The following MYRIP variants were observed in gnomAD, a reference collection of about 807,000 sequenced individuals.
The protein encoded by MYRIP is rab effector MyRIP.
In MYRIP, 49 loss-of-function variants were observed where a neutral mutation model predicts 98.0. That is an observed-to-expected ratio of 0.50 (90% CI 0.40 to 0.63). MYRIP has a LOEUF of 0.63. Among genes scored for constraint, MYRIP ranks in the 30% least tolerant of loss-of-function variants. The pLI is 0.00. For missense variants in MYRIP, 1,004 were observed against 1,058.2 expected (o/e 0.95, Z 0.71); for synonymous variants, 404 against 409.5 (o/e 0.99, Z 0.16).
chr3:39,989,511 G>A (rs531884471), intron 2 of MYRIP, among the ~76,000 whole-genome samples: 2 of 152,346 alleles, frequency 1.3e-5, no homozygotes, highest in Middle Eastern at 3.4e-3. Context: ...GGCAAGGGGA[G>A]CAGAACGCAT....
At chr3:40,165,330 G>C (rs1268422154) in intron 5 of MYRIP, among the ~76,000 whole-genome samples, 2 of 152,212 alleles carry the variant, frequency 1.3e-5, no homozygotes, top group African/African-American at 4.8e-5. Context: ...TATTATGTTT[G>C]CCAAATGATA....
intron 1 of MYRIP, among the ~76,000 whole-genome samples, chr3:39,861,698 A>G (rs1362936528): frequency 1.3e-5 from 2 of 152,210 alleles, no homozygotes; most frequent in Non-Finnish European, 1.5e-5. Context: ...TTCAGAATAC[A>G]ATCAAAAGTA....
intron 1 of MYRIP, among the ~76,000 whole-genome samples, chr3:39,853,453 G>A (rs959207046): frequency 6.6e-6 from 1 of 152,012 alleles, no homozygotes; most frequent in Non-Finnish European, 1.5e-5. Flanking sequence ...GACCATTCTT[G>A]CAGGAGTAAG....
chr3:40,002,000 C>T (rs1946529871), intron 2 of MYRIP, among the ~76,000 whole-genome samples: 1 of 152,196 alleles, frequency 6.6e-6, no homozygotes, highest in East Asian at 1.9e-4. Context: ...ATTCACACAA[C>T]ATATTGCTGG....
At chr3:39,883,628 A>G (rs1307922298) in intron 1 of MYRIP, among the ~76,000 whole-genome samples, 1 of 152,074 alleles carries the variant, frequency 6.6e-6, no homozygotes, top group East Asian at 1.9e-4. Context: ...CTACCCACTA[A>G]ATCTAAAAGT....
intron 3 of MYRIP, among the ~76,000 whole-genome samples, chr3:40,095,881 CCTT>C (rs1428903936): frequency 6.6e-6 from 1 of 151,696 alleles, no homozygotes; most frequent in Non-Finnish European, 1.5e-5. Context: ...CCCTCCTTCT[CCTT>C]CTCCTACCAC....
intron 3 of MYRIP, among the ~76,000 whole-genome samples, chr3:40,122,711 CAT>C (rs1949430152): frequency 6.6e-6 from 1 of 151,788 alleles, no homozygotes; most frequent in African/African-American, 2.4e-5. Context: ...TTTATAGACA[CAT>C]AATAGTTGTA....
chr3:39,917,953 T>C (rs1339429789), intron 2 of MYRIP, among the ~76,000 whole-genome samples: 1 of 150,848 alleles, frequency 6.6e-6, no homozygotes, highest in Non-Finnish European at 1.5e-5. Flanking sequence ...AGACGGAGTC[T>C]CGCTGCTCTG....
At chr3:40,043,811 T>C (rs921642560) in intron 2 of MYRIP, among the ~76,000 whole-genome samples, 5 of 152,254 alleles carry the variant, frequency 3.3e-5, no homozygotes, top group Non-Finnish European at 7.3e-5. Flanking sequence ...TGATAATGTT[T>C]TCATGCTTTC....
chr3:40,181,477 TA>T (rs1201654400), intron 8 of MYRIP, among the ~76,000 whole-genome samples: 4 of 152,336 alleles, frequency 2.6e-5, no homozygotes, highest in Middle Eastern at 3.4e-3. Flanking sequence ...TTTAATACTG[TA>T]ATCATAGATG....
At chr3:40,252,057 C>T in intron 16 of MYRIP, 58 bp downstream of exon 16, 1 of 1,309,900 alleles carries the variant, frequency 7.6e-7, no homozygotes, top group Non-Finnish European at 1.1e-6. Context: ...TACCTCCACT[C>T]TGCAGCCTTT....
At chr3:40,091,502 A>T (rs1022015528) in intron 3 of MYRIP, among the ~76,000 whole-genome samples, 30 of 152,230 alleles carry the variant, frequency 2.0e-4, no homozygotes, top group African/African-American at 5.8e-4. Context: ...TTTTAAAATT[A>T]AAGAATATGG....
intron 3 of MYRIP, among the ~76,000 whole-genome samples, chr3:40,127,676 C>T (rs1949550416): frequency 6.6e-6 from 1 of 152,214 alleles, no homozygotes; most frequent in Non-Finnish European, 1.5e-5. Context: ...CTGAGCCCCA[C>T]AGGCTGTGCT....
Position 40,190,319 on chromosome 3 carries a change from C to T in MYRIP, c.1521C>T (p.Thr507=), listed in dbSNP as rs764313409. Residue 507 remains threonine (T), a synonymous_variant, in exon 10 of 17, where the codon ACC becomes ACT. Transcript: ENST00000302541. ...ACCCCCAGTTGGCCAGCAGGGAGAC[C>T]TCGGACAGCAGCGAGCCGGAGGAGG... ...NFNPQLASRE[T]SDSSEPEEAP... is the part of the protein sequence containing the mutation. 1.2e-5 allele frequency: 19 copies of T among 1,613,866 alleles called. No homozygotes were observed. Among genetic ancestry groups the T allele is most frequent in the Non-Finnish European group, 1.6e-5 (19 of 1,179,988 alleles).
intron 2 of MYRIP, among the ~76,000 whole-genome samples, chr3:39,945,540 GA>G (rs1476135350): frequency 6.7e-6 from 1 of 148,544 alleles, no homozygotes; most frequent in Non-Finnish European, 1.5e-5. Flanking sequence ...GATCACAATT[GA>G]ATTTAACTTC....
At chr3:39,814,370 A>G (rs1393517620) in intron 1 of MYRIP, among the ~76,000 whole-genome samples, 1 of 152,120 alleles carries the variant, frequency 6.6e-6, no homozygotes. Flanking sequence ...TCTTTTTAAT[A>G]TATAGTTTTA....
intron 1 of MYRIP, among the ~76,000 whole-genome samples, chr3:39,810,187 C>T (rs879443669): frequency 6.6e-6 from 1 of 152,230 alleles, no homozygotes; most frequent in Non-Finnish European, 1.5e-5. Flanking sequence ...GAGCTCGCCT[C>T]TGCGTTTCCC....
At chr3:40,039,383 C>T (rs933698014) in intron 2 of MYRIP, among the ~76,000 whole-genome samples, 2 of 151,994 alleles carry the variant, frequency 1.3e-5, no homozygotes, top group African/African-American at 4.8e-5. Flanking sequence ...AGATAGCTTG[C>T]AAAGGAATTG....
intron 1 of MYRIP, among the ~76,000 whole-genome samples, chr3:39,871,665 A>G (rs1271402471): frequency 6.6e-6 from 1 of 152,060 alleles, no homozygotes; most frequent in Non-Finnish European, 1.5e-5. Context: ...CACATTCCAC[A>G]AAAAATGATA....
Sources: gnomAD v4.1 joint callset for allele counts (sites outside exome capture counted in the v4.1 genomes callset) on GRCh38, gnomAD v4.1.1 for gene constraint, MANE v1.5 for transcripts, NCBI Gene and HGNC (gene_info 2026-07-23, HGNC 2026-07-21) for gene names.